The following IL16 variants were observed in gnomAD, a reference collection of about 807,000 sequenced individuals.
IL16 encodes the protein pro-interleukin-16.
In IL16, 67 loss-of-function variants were observed where a neutral mutation model predicts 110.1. The ratio of observed to expected loss-of-function variants is 0.61; its 90% CI spans 0.50 to 0.75. The LOEUF (loss-of-function observed/expected upper bound fraction) is 0.75, where lower values mean the gene tolerates loss of function less well. IL16 is among the 30% of genes least tolerant of loss of function. The pLI is 0.00. For synonymous variants in IL16, 689 were observed against 662.9 expected (o/e 1.04, Z -0.61); for missense variants, 1,545 against 1,655.0 (o/e 0.93, Z 1.15).
Position 81,241,742 on chromosome 15 carries a change from A to T in IL16, c.312+16031A>T, listed in dbSNP as rs114028682. ...CAATGGTAACATCTTGTAAAATTAT[A>T]GTAGAATATTACTGATGTTGATGCA... On this transcript the variant is annotated intron_variant, in intron 2 of 18. Coordinates refer to ENST00000683961, the MANE Select transcript of IL16 (RefSeq NM_172217.5). Among the ~76,000 whole-genome samples, 1,156 of 152,234 alleles carry T rather than the reference A, an allele frequency of 7.6e-3. 15 individuals are homozygous for T. Among genetic ancestry groups the T allele is most frequent in the African/African-American group, 0.026 (1,088 of 41,566 alleles).
chr15:81,265,563 G>A (rs1191188151), intron 3 of IL16, 96 bp from the exon 4 acceptor site: 5 of 1,367,608 alleles, frequency 3.7e-6, no homozygotes, highest in Non-Finnish European at 5.1e-6. Flanking sequence ...CAGTCACACT[G>A]GCCCCTGGCT....
intron 15 of IL16, among the ~76,000 whole-genome samples, chr15:81,301,904 A>G (rs1298866351): frequency 6.6e-6 from 1 of 152,240 alleles, no homozygotes; most frequent in Non-Finnish European, 1.5e-5. Context: ...GTGGGTTACA[A>G]GAGCTCTCAC....
intron 16 of IL16, among the ~76,000 whole-genome samples, chr15:81,304,684 C>G (rs1213445347): frequency 2.0e-5 from 3 of 152,136 alleles, no homozygotes; most frequent in African/African-American, 7.2e-5. Flanking sequence ...CCTGAGGTTC[C>G]TCCTTTAATT....
chr15:81,257,969 A>G (rs1898007752), intron 2 of IL16, among the ~76,000 whole-genome samples: 1 of 152,202 alleles, frequency 6.6e-6, no homozygotes, highest in Non-Finnish European at 1.5e-5. Context: ...ATATTCAGAG[A>G]GCTTTCCTGA....
At chr15:81,202,150 C>T (rs1308405145) in intron 1 of IL16, among the ~76,000 whole-genome samples, 2 of 152,336 alleles carry the variant, frequency 1.3e-5, no homozygotes, top group South Asian at 2.1e-4. Context: ...CAAATATTTA[C>T]TGAGCAATTG....
chr15:81,229,092 T>C (rs533599480), intron 2 of IL16, among the ~76,000 whole-genome samples: 30 of 152,308 alleles, frequency 2.0e-4, no homozygotes, highest in Admixed American at 1.9e-3. Flanking sequence ...ATTAAGCACT[T>C]AATGAATTCA....
chr15:81,313,169 C>T lies in IL16; in HGVS notation c.*4371C>T. ...TGTTCCAAAGAGTGAACACAGGCCTCTGCGTGCTCCCAGGCTCCTTGGTGT... is the reference window on the plus strand; with the variant it reads ...TGTTCCAAAGAGTGAACACAGGCCTTTGCGTGCTCCCAGGCTCCTTGGTGT... On this transcript the variant is annotated 3_prime_UTR_variant, in exon 19 of 19. Coordinates refer to ENST00000683961, the MANE Select transcript of IL16 (RefSeq NM_172217.5). 1 of 1,421,382 alleles carries T rather than the reference C, an allele frequency of 7.0e-7. No homozygotes were observed. Among genetic ancestry groups the T allele is most frequent in the Non-Finnish European group, 9.3e-7 (1 of 1,072,980 alleles). The allele number at this position is 1,421,382 out of a possible 1,614,324, so 88.0% of individuals were successfully genotyped here. A position where few individuals can be genotyped will look rare whatever the true frequency, so the allele number is the denominator to read the frequency against.
rs575809541 is a variant in IL16 at position 81,300,269 on chromosome 15, C to T, written c.2943C>T (p.Asp981=). 1.6e-5 allele frequency: 26 copies of T among 1,614,218 alleles called. No individual in the cohort carries two copies. The highest frequency in any genetic ancestry group is 6.7e-5 in the East Asian group (3 of 44,880). ...AGTCCTGTGAGACGAAGCTACTTGA[C>T]GAAAAGACCAGCAAACTCTATTCTA... The part of the protein sequence containing the change: ...RSQSCETKLL[D]EKTSKLYSIS... Residue 981 remains aspartate (D), a synonymous_variant, in exon 14 of 19, where the codon GAC becomes GAT. Coordinates refer to ENST00000683961, the MANE Select transcript of IL16 (RefSeq NM_172217.5).
At chr15:81,207,077 C>T (rs539879012) in intron 1 of IL16, among the ~76,000 whole-genome samples, 18 of 148,636 alleles carry the variant, frequency 1.2e-4, no homozygotes, top group Admixed American at 3.3e-4. Flanking sequence ...ACTAAAAAAA[C>T]CACAAAAAAT....
exon 1 of IL16, chr15:81,182,725 A>C (rs1009987392): frequency 3.2e-5 from 13 of 406,022 alleles, no homozygotes; most frequent in Non-Finnish European, 4.7e-6. Context: ...TCTAACGAGG[A>C]GTTACTTTGT....
At chr15:81,293,183 G>T in intron 12 of IL16, 146 bp downstream of exon 12, 1 of 868,098 alleles carries the variant, frequency 1.2e-6, no homozygotes, top group African/African-American at 1.7e-5. Flanking sequence ...GGACTCAGCT[G>T]AGGACTGACC....
upstream of IL16, among the ~76,000 whole-genome samples, chr15:81,196,527 G>C (rs952161179): frequency 6.6e-6 from 1 of 152,214 alleles, no homozygotes; most frequent in Non-Finnish European, 1.5e-5. Flanking sequence ...TTATAGGCAC[G>C]TGCCACAGCT....
At chr15:81,188,381 G>A (rs576625743) in intron 1 of IL16, 2 of 456,328 alleles carry the variant, frequency 4.4e-6, no homozygotes, top group Non-Finnish European at 8.8e-6. Flanking sequence ...CGGGCGAGAT[G>A]GAGCTGAGGG....
At chr15:81,185,809 T>C (rs939789172) in intron 1 of IL16, among the ~76,000 whole-genome samples, 27 of 152,154 alleles carry the variant, frequency 1.8e-4, no homozygotes, top group African/African-American at 6.5e-4. Context: ...TGAGTTGTTT[T>C]CTGAAGGGTG....
intron 3 of IL16, among the ~76,000 whole-genome samples, chr15:81,263,346 A>ATTTTTTTTTTT (rs10717016): frequency 1.8e-5 from 2 of 109,792 alleles, no homozygotes; most frequent in Non-Finnish European, 1.8e-5. Context: ...TTCAAAAACT[A>ATTTTTTTTTTT]TTTTTTTTTG....
Position 81,303,308 on chromosome 15 carries a change from T to A in IL16, c.3319-241T>A. 1 of 475,042 alleles carries A rather than the reference T, an allele frequency of 2.1e-6. No individual in the cohort carries two copies. The highest frequency in any genetic ancestry group is 3.8e-6 in the Non-Finnish European group (1 of 262,752). The allele number at this position is 475,042 out of a possible 1,614,324, so 29.4% of individuals were successfully genotyped here. On this transcript the variant is annotated intron_variant, in intron 15 of 18. Coordinates refer to ENST00000683961, the MANE Select transcript of IL16 (RefSeq NM_172217.5). The surrounding 1 kb of genome is among the most constrained non-coding windows in gnomAD (Gnocchi z 4.1). ...CCTGCCCGGCTGTGGACAGGGTGAA[T>A]GAGAGAGGAAAATAATTATGCTTGC...
intron 6 of IL16, among the ~76,000 whole-genome samples, chr15:81,275,632 A>C (rs11637363): frequency 0.26 from 40,207 of 152,056 alleles, 6,234 homozygotes; most frequent in African/African-American, 0.43. Context: ...CCCAAGCCAA[A>C]CTTTTTATTT....
intron 2 of IL16, among the ~76,000 whole-genome samples, chr15:81,232,675 A>C (rs1303127454): frequency 6.6e-6 from 1 of 152,156 alleles, no homozygotes; most frequent in Non-Finnish European, 1.5e-5. Flanking sequence ...GACTTTTTTG[A>C]ATGTTGAAAC....
chr15:81,297,343 G>A (rs1357067690), intron 13 of IL16, among the ~76,000 whole-genome samples: 1 of 152,060 alleles, frequency 6.6e-6, no homozygotes, highest in African/African-American at 2.4e-5. Context: ...TGGGAGGATG[G>A]AGCCCTTGGA....
Sources: allele counts gnomAD v4.1 joint callset (sites outside exome capture counted in the v4.1 genomes callset), GRCh38; gene constraint gnomAD v4.1.1; non-coding constraint Gnocchi (gnomAD v3.1); transcripts MANE v1.5; gene names NCBI Gene and HGNC (gene_info 2026-07-23, HGNC 2026-07-21).